GPC5: variants seen among roughly 807,000 people sequenced by gnomAD.
The protein encoded by GPC5 is glypican 5, also known as glypican-5.
Under a neutral mutation model 53.9 loss-of-function variants are expected in GPC5, and 47 were observed. That is an observed-to-expected ratio of 0.87 (90% CI 0.69 to 1.11). GPC5 has a LOEUF of 1.11. GPC5 is among the 50% of genes most tolerant of loss of function. GPC5 has a pLI of 0.00. For missense variants in GPC5, 748 were observed against 713.1 expected, an observed-to-expected ratio of 1.05 and a Z score of -0.56; for synonymous variants, 286 against 263.3, an observed-to-expected ratio of 1.09 and a Z score of -0.84.
At chr13:91,851,585 G>A (rs2038913912) in intron 5 of GPC5, among the ~76,000 whole-genome samples, 1 of 150,004 alleles carries the variant, frequency 6.7e-6, no homozygotes, top group Admixed American at 6.7e-5. Context: ...GTGCCATGCT[G>A]GTGCGCTGCA....
chr13:92,865,650 G>T (rs778908298), intron 7 of GPC5, among the ~76,000 whole-genome samples: 1 of 152,076 alleles, frequency 6.6e-6, no homozygotes, highest in Non-Finnish European at 1.5e-5. Flanking sequence ...CATTTCAAAT[G>T]TTCCCTCCAC....
At chr13:91,534,717 T>C (rs1010111420) in intron 2 of GPC5, among the ~76,000 whole-genome samples, 3 of 152,236 alleles carry the variant, frequency 2.0e-5, no homozygotes, top group African/African-American at 7.2e-5. Flanking sequence ...TAACCATATC[T>C]AACACATCAC....
At chr13:91,884,571 C>T (rs1020506870) in intron 5 of GPC5, among the ~76,000 whole-genome samples, 2 of 152,124 alleles carry the variant, frequency 1.3e-5, no homozygotes, top group Non-Finnish European at 2.9e-5. Flanking sequence ...CAGACGGGAA[C>T]AACATTGAAA....
At chr13:92,298,206 C>T (rs1189600306) in intron 7 of GPC5, among the ~76,000 whole-genome samples, 1 of 152,152 alleles carries the variant, frequency 6.6e-6, no homozygotes, top group East Asian at 1.9e-4. Context: ...TGTTTCCAGG[C>T]AGTGGGGGAG....
At chr13:92,632,418 C>A (rs1202989156) in intron 7 of GPC5, among the ~76,000 whole-genome samples, 1 of 147,760 alleles carries the variant, frequency 6.8e-6, no homozygotes, top group Non-Finnish European at 1.5e-5. Context: ...TTATTTCTAA[C>A]ATTATCCATA....
chr13:91,612,327 C>T (rs2033577219), intron 2 of GPC5, among the ~76,000 whole-genome samples: 1 of 152,144 alleles, frequency 6.6e-6, no homozygotes, highest in Admixed American at 6.6e-5. Context: ...CTGCCATCAT[C>T]AGTGGTTGGG....
chr13:92,259,968 G>T (rs1381870747), intron 7 of GPC5, among the ~76,000 whole-genome samples: 2 of 152,086 alleles, frequency 1.3e-5, no homozygotes, highest in Non-Finnish European at 2.9e-5. Flanking sequence ...GGTAATTCTA[G>T]ACCCAACAAA....
In GPC5 at chr13:92,589,434, C is replaced by T. The variant is rs191010194; in HGVS notation, c.1562-276848C>T. On this transcript the variant is annotated intron_variant, in intron 7 of 7. Coordinates refer to ENST00000377067, the MANE Select transcript of GPC5 (RefSeq NM_004466.6). The stretch of plus-strand genomic sequence containing the variant: ...CTAATTCACAAAGGTCCATTTTATT[C>T]CCCAGCTTTATTCCCCAAAATTGGA... 3.4e-3 allele frequency among the ~76,000 whole-genome samples: 511 copies of T among 152,222 alleles called. 4 individuals are homozygous for T. The highest frequency in any genetic ancestry group is 5.6e-3 in the Non-Finnish European group (379 of 68,008).
chr13:91,642,506 T>C (rs1419827216), intron 2 of GPC5, among the ~76,000 whole-genome samples: 1 of 150,760 alleles, frequency 6.6e-6, no homozygotes, highest in Non-Finnish European at 1.5e-5. Flanking sequence ...GGGGTGGGAG[T>C]GTTTCAAGAA....
intron 6 of GPC5, among the ~76,000 whole-genome samples, chr13:92,137,127 A>G (rs369646609): frequency 2.0e-5 from 3 of 152,054 alleles, no homozygotes; most frequent in African/African-American, 7.2e-5. Flanking sequence ...TCATGCGCAG[A>G]ACCCTGTAAA....
intron 6 of GPC5, among the ~76,000 whole-genome samples, chr13:92,112,071 G>A (rs1001476252): frequency 6.6e-6 from 1 of 152,078 alleles, no homozygotes; most frequent in Admixed American, 6.6e-5. Context: ...TTGAATAAGA[G>A]GTTTCTAAGG....
Position 92,362,633 on chromosome 13 carries a change from C to T in GPC5, c.1561+217644C>T, listed in dbSNP as rs151083723. Reference sequence around the variant, plus strand: ...TTTGAAAATCTCAGCACATAATTCACCTCAGCAGAGGCATAGGTTTTGATG... The same window carrying T: ...TTTGAAAATCTCAGCACATAATTCATCTCAGCAGAGGCATAGGTTTTGATG... On this transcript the variant is annotated intron_variant, in intron 7 of 7. Coordinates refer to ENST00000377067, the MANE Select transcript of GPC5 (RefSeq NM_004466.6). Among the ~76,000 whole-genome samples, 160 of 151,890 alleles carry T rather than the reference C, an allele frequency of 1.1e-3. 5 individuals are homozygous for T. Among genetic ancestry groups the T allele is most frequent in the African/African-American group, 3.6e-3 (149 of 41,150 alleles).
intron 6 of GPC5, among the ~76,000 whole-genome samples, chr13:91,984,429 C>A (rs1296418691): frequency 1.3e-5 from 2 of 152,098 alleles, no homozygotes; most frequent in Non-Finnish European, 2.9e-5. Flanking sequence ...GGGCTATAGT[C>A]CCTGATCTGC....
At chr13:92,396,979 A>G (rs1875310430) in intron 7 of GPC5, among the ~76,000 whole-genome samples, 1 of 152,286 alleles carries the variant, frequency 6.6e-6, no homozygotes, top group East Asian at 1.9e-4. Context: ...CACAGTATTT[A>G]TGATACTGTT....
At chr13:91,697,222 A>G (rs1488919209) in intron 3 of GPC5, among the ~76,000 whole-genome samples, 1 of 152,134 alleles carries the variant, frequency 6.6e-6, no homozygotes, top group Non-Finnish European at 1.5e-5. Context: ...GGCTCACTGC[A>G]ACCTCTACCT....
chr13:91,722,921 A>T (rs1000467658), intron 3 of GPC5, among the ~76,000 whole-genome samples: 8 of 152,078 alleles, frequency 5.3e-5, no homozygotes, highest in African/African-American at 1.9e-4. Flanking sequence ...AATTTTCCTT[A>T]TGGGTAGCTT....
chr13:91,723,436 C>A (rs1229889917), intron 3 of GPC5, among the ~76,000 whole-genome samples: 3 of 151,236 alleles, frequency 2.0e-5, no homozygotes, highest in South Asian at 4.2e-4. Flanking sequence ...TTAGAAATTA[C>A]CTCACAATTA....
At chr13:91,802,786 A>G (rs1015459252) in intron 5 of GPC5, among the ~76,000 whole-genome samples, 1 of 152,114 alleles carries the variant, frequency 6.6e-6, no homozygotes, top group Non-Finnish European at 1.5e-5. Context: ...TGGACTCGCA[A>G]TCAAAAGGCA....
intron 2 of GPC5, among the ~76,000 whole-genome samples, chr13:91,669,158 A>G (rs971796803): frequency 6.6e-6 from 1 of 152,104 alleles, no homozygotes; most frequent in East Asian, 1.9e-4. Flanking sequence ...ATGTGGTTAC[A>G]TTGTATGAAG....
Sources: gnomAD v4.1 joint callset for allele counts (sites outside exome capture counted in the v4.1 genomes callset) on GRCh38, gnomAD v4.1.1 for gene constraint, MANE v1.5 for transcripts, NCBI Gene and HGNC (gene_info 2026-07-23, HGNC 2026-07-21) for gene names.